The following ZNF707 variants were observed in gnomAD, a reference collection of about 807,000 sequenced individuals.
ZNF707 encodes zinc finger protein 707.
In ZNF707, 8 loss-of-function variants were observed where a neutral mutation model predicts 13.3. The ratio of observed to expected loss-of-function variants is 0.60; its 90% CI spans 0.35 to 1.09. The LOEUF is 1.09. Among genes scored for constraint, ZNF707 ranks in the 50% least tolerant of loss-of-function variants. ZNF707 has a pLI of 0.02. For synonymous variants in ZNF707, 225 were observed against 205.6 expected (o/e 1.09, Z -0.81); for missense variants, 530 against 512.6 (o/e 1.03, Z -0.33).
rs1218111411 is a variant in ZNF707, at chr8:143,694,821, G to A, written c.*291G>A. ...AGAGTGTGCGCGACCCCGGAGCCACGTGCCAGGCCGGGCTCAGAGGCGGAG... is the reference window on the plus strand; with the variant it reads ...AGAGTGTGCGCGACCCCGGAGCCACATGCCAGGCCGGGCTCAGAGGCGGAG... On this transcript the variant is annotated 3_prime_UTR_variant, in exon 6 of 6. Transcript: ENST00000358656. The surrounding 1 kb of genome is among the most constrained non-coding windows in gnomAD (Gnocchi z 4.4). The A allele has an allele frequency of 5.9e-6, 2 of 341,512 alleles. No homozygotes were observed. Among genetic ancestry groups the A allele is most frequent in the East Asian group, 4.6e-5 (1 of 21,818 alleles). The allele number at this position is 341,512 out of a possible 1,614,324, so 21.2% of individuals were successfully genotyped here.
In ZNF707 at chr8:143,693,827, C is replaced by T. The variant is rs1817065918; in HGVS notation, c.413C>T (p.Pro138Leu). ...TDDGQLPRAA[P>L]ERTDAKPTAF... ...GACGGGCAGCTTCCCAGAGCTGCTC[C>T]AGAAAGGACAGACGCCAAGCCCACG... The change falls in exon 6 of 6, where the codon CCA (proline) becomes CTA (leucine). Residue 138 changes from proline (P) to leucine (L), a missense_variant. Pro to Leu is a moderately conservative substitution (Grantham distance 98). Transcript: ENST00000358656. This position sits in a 1 kb window ranked among gnomAD's most constrained non-coding sequence, Gnocchi z 4.1. The T allele has an allele frequency of 6.2e-7, 1 of 1,612,538 alleles. No homozygotes were observed. Among genetic ancestry groups the T allele is most frequent in the Non-Finnish European group, 8.5e-7 (1 of 1,179,740 alleles).
Position 143,691,163 on chromosome 8 carries a change from G to C in ZNF707, c.106G>C (p.Val36Leu). Residue 36 changes from valine (V) to leucine (L), a missense_variant, in exon 4 of 6, where the codon GTG (valine) becomes CTG (leucine). Val to Leu is a conservative substitution (Grantham distance 32). Coordinates refer to ENST00000358656, the MANE Select transcript of ZNF707 (RefSeq NM_001100598.2). ...EPSQRALYRD[V>L]MLDNFSSVAA... ...CAGCCAGAGGGCCCTCTACCGGGAC[G>C]TGATGCTGGACAACTTCAGCAGTGT... The C allele has an allele frequency of 6.2e-7, 1 of 1,613,664 alleles. No homozygotes were observed. The highest frequency in any genetic ancestry group is 8.5e-7 in the Non-Finnish European group (1 of 1,179,716).
intron 4 of ZNF707, 54 bp downstream of exon 4, chr8:143,691,253 G>C (rs1166806245): frequency 6.4e-7 from 1 of 1,558,058 alleles, no homozygotes; most frequent in Non-Finnish European, 8.7e-7. Flanking sequence ...GGAGAGCTCT[G>C]CCGCTGCCTC....
chr8:143,691,758 C>T (rs1554613712), intron 5 of ZNF707, 45 bp downstream of exon 5: 1 of 1,493,570 alleles, frequency 6.7e-7, no homozygotes. Flanking sequence ...GTCCCTGTGG[C>T]CCACAGCTCC....
chr8:143,690,022 C>A, intron 2 of ZNF707, 35 bp from the exon 3 acceptor site: 1 of 1,582,512 alleles, frequency 6.3e-7, no homozygotes. Flanking sequence ...CATTCCCAGG[C>A]CGGCTATACC....
Position 143,694,218 on chromosome 8 carries a change from C to G in ZNF707, c.804C>G (p.Ala268=). The change falls in exon 6 of 6, where the codon GCC becomes GCG. Residue 268 remains alanine (A), a synonymous_variant. Transcript: ENST00000358656. This position sits in a 1 kb window ranked among gnomAD's most constrained non-coding sequence, Gnocchi z 4.4. ...RPYSCGDCGK[A]FKQKSNLLRH... ...ACTCGTGTGGCGACTGTGGGAAAGC[C>G]TTCAAGCAGAAGTCCAACCTTCTCA... 1.9e-6 allele frequency: 3 copies of G among 1,582,952 alleles called. No individual in the cohort carries two copies. The South Asian group carries it at 3.5e-5, about 18-fold the overall frequency.
At chr8:143,691,383 G>A in intron 4 of ZNF707, 184 bp downstream of exon 4, 1 of 1,180,618 alleles carries the variant, frequency 8.5e-7, no homozygotes, top group South Asian at 1.7e-5. Context: ...GCTCCCTGGA[G>A]GCAGCCTCAT....
At position 143,686,086 on chromosome 8, in the gene ZNF707, GT is replaced by G. The variant is rs368455685; in HGVS notation, c.-151+1554del. ...AGCTGTTGAGCTGAGGGGAGAGGGT[GT>G]TTTTTTTTTGTTTTTGTTTTTGTTT... On this transcript the variant is annotated intron_variant, in intron 1 of 5. Coordinates refer to ENST00000358656, the MANE Select transcript of ZNF707 (RefSeq NM_001100598.2). 1.7e-4 allele frequency among the ~76,000 whole-genome samples: 25 copies of G among 148,828 alleles called. No homozygotes were observed. The East Asian group carries it at 1.8e-3, about 11-fold the overall frequency.
At chr8:143,692,161 C>T in intron 5 of ZNF707, 1 of 1,296,722 alleles carries the variant, frequency 7.7e-7, no homozygotes. Flanking sequence ...AAAACTGGGA[C>T]AGTGGCCATG....
At chr8:143,691,316 G>A (rs145237499) in intron 4 of ZNF707, 117 bp downstream of exon 4, 2 of 1,446,606 alleles carry the variant, frequency 1.4e-6, no homozygotes, top group African/African-American at 1.4e-5. Context: ...AGGGGGCTCA[G>A]GAGCTAGAAG....
intron 3 of ZNF707, chr8:143,690,851 T>A: frequency 1.6e-6 from 1 of 616,306 alleles, no homozygotes; most frequent in Non-Finnish European, 2.8e-6. Context: ...GGTCCATGGG[T>A]CAGGGCCCCT....
chr8:143,689,755 C>G (rs527674804), intron 2 of ZNF707, among the ~76,000 whole-genome samples: 1 of 152,300 alleles, frequency 6.6e-6, no homozygotes, highest in Admixed American at 6.5e-5. Flanking sequence ...TGGCTTTCAG[C>G]CAGCAATGGC....
chr8:143,691,820 A>T, intron 5 of ZNF707, 107 bp downstream of exon 5: 1 of 1,062,184 alleles, frequency 9.4e-7, no homozygotes, highest in Non-Finnish European at 1.4e-6. Flanking sequence ...TTCCCATGGG[A>T]GAGCAGACAC....
In ZNF707 at chr8:143,694,421, G is replaced by A. The variant is rs928491857; in HGVS notation, c.1007G>A (p.Arg336Lys). ...CCCAAGGGCTTCAGCATCCACCGGAGGCTGCACCTGACGAAGAGGTTCTAC... is the reference window on the plus strand; with the variant it reads ...CCCAAGGGCTTCAGCATCCACCGGAAGCTGCACCTGACGAAGAGGTTCTAC... ...RWPKGFSIHR[R>K]LHLTKRFYEC... is the part of the protein sequence containing the mutation. Residue 336 changes from arginine (R) to lysine (K), a missense_variant, in exon 6 of 6, where the codon AGG (arginine) becomes AAG (lysine). Physicochemically the swap from Arg to Lys is conservative, Grantham distance 26 (BLOSUM62 2). Coordinates refer to ENST00000358656, the MANE Select transcript of ZNF707 (RefSeq NM_001100598.2). The surrounding 1 kb of genome is among the most constrained non-coding windows in gnomAD (Gnocchi z 4.4). 1.9e-6 allele frequency: 3 copies of A among 1,612,494 alleles called. No individual in the cohort carries two copies. The highest frequency in any genetic ancestry group is 2.5e-6 in the Non-Finnish European group (3 of 1,179,672).
chr8:143,687,970 C>CTTTTT (rs60362242), intron 1 of ZNF707: 32 of 97,976 alleles, frequency 3.3e-4, no homozygotes, highest in Middle Eastern at 0.012. Context: ...ATATCATTTT[C>CTTTTT]TTTTTTTTTT....
chr8:143,686,786 G>A (rs6558382), intron 1 of ZNF707: 101,167 of 149,752 alleles, frequency 0.68, 37,080 homozygotes, highest in Non-Finnish European at 0.84. Context: ...GATTACAGGC[G>A]TGAGCCACTG....
chr8:143,691,433 T>C, intron 4 of ZNF707, 167 bp from the exon 5 acceptor site: 1 of 1,007,598 alleles, frequency 9.9e-7, no homozygotes, highest in Non-Finnish European at 1.4e-6. Flanking sequence ...CCGTGGGCCT[T>C]GGTGTCCAGG....
At chr8:143,689,983 G>C (rs1454232950) in intron 2 of ZNF707, 74 bp from the exon 3 acceptor site, 4 of 1,133,606 alleles carry the variant, frequency 3.5e-6, no homozygotes, top group East Asian at 2.5e-5. Context: ...TTGCTGAGTG[G>C]GGGGGCTCCT....
At chr8:143,690,633 A>G (rs1236582480) in intron 3 of ZNF707, among the ~76,000 whole-genome samples, 3 of 152,206 alleles carry the variant, frequency 2.0e-5, no homozygotes, top group African/African-American at 7.2e-5. Context: ...GTAGGAAAGT[A>G]GACTAGATTC....
Sources: allele counts gnomAD v4.1 joint callset (sites outside exome capture counted in the v4.1 genomes callset), GRCh38; gene constraint gnomAD v4.1.1; non-coding constraint Gnocchi (gnomAD v3.1); transcripts MANE v1.5; gene names NCBI Gene and HGNC (gene_info 2026-07-23, HGNC 2026-07-21).